Variants in STAU2 observed in about 807,000 individuals in gnomAD.
STAU2 encodes double-stranded RNA-binding protein Staufen homolog 2.
Under a neutral mutation model 65.9 loss-of-function variants are expected in STAU2, and 20 were observed. The ratio of observed to expected loss-of-function variants is 0.30; its 90% CI spans 0.21 to 0.44. The LOEUF (loss-of-function observed/expected upper bound fraction) is 0.44. Among genes scored for constraint, STAU2 ranks in the 20% least tolerant of loss-of-function variants. STAU2 has a pLI of 1.00. For missense variants in STAU2, 558 were observed against 683.9 expected (o/e 0.82, Z 2.05); for synonymous variants, 232 against 233.9 (o/e 0.99, Z 0.07).
At chr8:73,560,396 A>C (rs1808137541) in intron 12 of STAU2, among the ~76,000 whole-genome samples, 1 of 152,170 alleles carries the variant, frequency 6.6e-6, no homozygotes, top group Non-Finnish European at 1.5e-5. Context: ...ATGTATTTTA[A>C]TGTGCTCAAA....
intron 13 of STAU2, among the ~76,000 whole-genome samples, chr8:73,472,960 C>G (rs141094866): frequency 6.6e-6 from 1 of 152,136 alleles, no homozygotes. Context: ...GGGGAAATGA[C>G]TCAGCAGCAA....
chr8:73,527,060 C>T (rs577172017), intron 13 of STAU2, among the ~76,000 whole-genome samples: 1 of 152,260 alleles, frequency 6.6e-6, no homozygotes, highest in South Asian at 2.1e-4. Flanking sequence ...TTTTACTGTA[C>T]ATTTTCTATG....
At chr8:73,543,328 T>C (rs574066488) in intron 13 of STAU2, among the ~76,000 whole-genome samples, 46 of 152,148 alleles carry the variant, frequency 3.0e-4, no homozygotes, top group Non-Finnish European at 6.0e-4. Flanking sequence ...TTGATTATGG[T>C]GGTAGTATAC....
intron 12 of STAU2, among the ~76,000 whole-genome samples, chr8:73,576,963 T>C (rs1809606399): frequency 6.6e-6 from 1 of 152,344 alleles, no homozygotes; most frequent in African/African-American, 2.4e-5. Flanking sequence ...TAAACACCTT[T>C]TGATCCCCAT....
chr8:73,729,548 G>A (rs112855925), intron 3 of STAU2, among the ~76,000 whole-genome samples: 2,126 of 152,168 alleles, frequency 0.014, 46 homozygotes, highest in African/African-American at 0.048. Flanking sequence ...GAATCCACCA[G>A]AGAAGCAATA....
chr8:73,720,943 G>C (rs1821611904), intron 3 of STAU2, among the ~76,000 whole-genome samples: 1 of 151,634 alleles, frequency 6.6e-6, no homozygotes, highest in African/African-American at 2.4e-5. Context: ...ACTGTAATCA[G>C]ATACAATTTT....
chr8:73,572,964 C>T (rs1478301330), intron 12 of STAU2, among the ~76,000 whole-genome samples: 1 of 152,200 alleles, frequency 6.6e-6, no homozygotes, highest in East Asian at 1.9e-4. Context: ...GTCAAATTGT[C>T]CCTGTTTGCA....
chr8:73,514,855 A>G (rs1250288908), intron 13 of STAU2, among the ~76,000 whole-genome samples: 1 of 152,206 alleles, frequency 6.6e-6, no homozygotes, highest in East Asian at 1.9e-4. Flanking sequence ...CAACTTACAG[A>G]GACTTCTCAT....
At chr8:73,637,395 T>C (rs929668256) in intron 6 of STAU2, among the ~76,000 whole-genome samples, 2 of 135,042 alleles carry the variant, frequency 1.5e-5, no homozygotes, top group African/African-American at 5.6e-5. Flanking sequence ...ATTCAAATGA[T>C]GGATGACTTC....
At chr8:73,745,553 G>A (rs1807211489) in intron 1 of STAU2, among the ~76,000 whole-genome samples, 1 of 152,206 alleles carries the variant, frequency 6.6e-6, no homozygotes, top group Admixed American at 6.5e-5. Context: ...GTAATGCTCA[G>A]CAAAAGTTCA....
At chr8:73,629,763 T>C (rs1312510475) in intron 6 of STAU2, among the ~76,000 whole-genome samples, 2 of 152,242 alleles carry the variant, frequency 1.3e-5, no homozygotes, top group African/African-American at 4.8e-5. Context: ...ACTGTCTGAC[T>C]CGAAGCCCAC....
At chr8:73,494,217 A>G (rs937090872) in intron 13 of STAU2, among the ~76,000 whole-genome samples, 1 of 151,730 alleles carries the variant, frequency 6.6e-6, no homozygotes, top group African/African-American at 2.4e-5. Context: ...ATGCTAAAGT[A>G]CTCGGGGTGG....
intron 6 of STAU2, among the ~76,000 whole-genome samples, chr8:73,628,536 G>A (rs972087958): frequency 3.9e-5 from 6 of 151,956 alleles, no homozygotes. Context: ...TTTGGTTAAG[G>A]GTTCTCTGAG....
At chr8:73,571,718 T>C (rs1809104852) in intron 12 of STAU2, among the ~76,000 whole-genome samples, 1 of 152,146 alleles carries the variant, frequency 6.6e-6, no homozygotes, top group Admixed American at 6.5e-5. Flanking sequence ...AGACACAACA[T>C]ACCAGAATCT....
chr8:73,677,447 A>G (rs1223798804), intron 5 of STAU2, among the ~76,000 whole-genome samples: 4 of 152,218 alleles, frequency 2.6e-5, no homozygotes, highest in African/African-American at 9.7e-5. Context: ...AAATACGTAT[A>G]ATAGTACAAT....
chr8:73,691,234 T>A (rs1819304372), intron 4 of STAU2, among the ~76,000 whole-genome samples: 1 of 152,076 alleles, frequency 6.6e-6, no homozygotes. Context: ...CTCTACCCCC[T>A]CCAAATCAGT....
chr8:73,562,399 T>A (rs1586009832), intron 12 of STAU2, among the ~76,000 whole-genome samples: 1 of 152,078 alleles, frequency 6.6e-6, no homozygotes, highest in Non-Finnish European at 1.5e-5. Flanking sequence ...GGTAGGAGGA[T>A]CCCTTGAGCA....
In STAU2 at chr8:73,645,399, G is replaced by A. The variant is rs978809283; in HGVS notation, c.410+27708C>T. On this transcript the variant is annotated intron_variant, in intron 6 of 14. Transcript: ENST00000524300. ...TTAACAAAATTCAACACCCATTCAC[G>A]ATAAAAAAAATTCTCAAAAAACTAG... is the stretch of plus-strand genomic sequence containing the variant. 3.9e-5 allele frequency among the ~76,000 whole-genome samples: 6 copies of A among 152,102 alleles called. No homozygotes were observed. The East Asian group carries it at 9.7e-4, about 24-fold the overall frequency.
rs1820680708 is a variant in STAU2, at chr8:73,708,634, A to C, written c.114+398T>G. On this transcript the variant is annotated intron_variant, in intron 4 of 14. Coordinates refer to ENST00000524300, the MANE Select transcript of STAU2 (RefSeq NM_001164380.2). ...CTGTTGGTATATTTACTCTGTCTCC[A>C]TTTCTACTTTAGCAGCTGTGATTTA... Among the ~76,000 whole-genome samples the C allele has an allele frequency of 2.0e-5, 3 of 152,164 alleles. No homozygotes were observed. In the South Asian group the frequency reaches 6.2e-4, roughly 31 times the overall value.
Sources: gnomAD v4.1 joint callset for allele counts (sites outside exome capture counted in the v4.1 genomes callset) on GRCh38, gnomAD v4.1.1 for gene constraint, MANE v1.5 for transcripts, NCBI Gene and HGNC (gene_info 2026-07-23, HGNC 2026-07-21) for gene names.